PCTP: variants seen among roughly 807,000 people sequenced by gnomAD.
The protein encoded by PCTP is START domain-containing protein 2.
Under a neutral mutation model 31.0 loss-of-function variants are expected in PCTP, and 27 were observed. That is an observed-to-expected ratio of 0.87 (90% confidence interval 0.64 to 1.20). The LOEUF (loss-of-function observed/expected upper bound fraction) is 1.20, where lower values mean the gene tolerates loss of function less well. Among genes scored for constraint, PCTP ranks in the 50% most tolerant of loss-of-function variants. The pLI is 0.00. For missense variants in PCTP, 287 were observed against 268.2 expected (o/e 1.07, Z -0.49); for synonymous variants, 108 against 101.2 (o/e 1.07, Z -0.40).
At chr17:55,787,359 A>G (rs959581015) in intron 2 of PCTP, among the ~76,000 whole-genome samples, 2 of 151,080 alleles carry the variant, frequency 1.3e-5, no homozygotes, top group African/African-American at 4.9e-5. Context: ...ATGAATATAT[A>G]TATATATTTT....
chr17:55,787,941 C>T (rs1911811552), intron 3 of PCTP, among the ~76,000 whole-genome samples: 1 of 152,066 alleles, frequency 6.6e-6, no homozygotes, highest in Admixed American at 6.6e-5. Flanking sequence ...ATAATATGGC[C>T]CTCAGAGTTG....
chr17:55,792,319 AAAAAAG>A (rs1340581242), intron 3 of PCTP, among the ~76,000 whole-genome samples: 1 of 137,400 alleles, frequency 7.3e-6, no homozygotes, highest in Non-Finnish European at 1.5e-5. Flanking sequence ...TAATAAATAA[AAAAAAG>A]AAAAAAAAAA....
Position 55,776,688 on chromosome 17 carries a change from G to T in PCTP, c.*588G>T. On this transcript the variant is annotated 3_prime_UTR_variant, in exon 6 of 6. Transcript: ENST00000268896. Reference sequence around the variant, plus strand: ...GGGATTTGAGGTGATAATCCAGTAAGTCTTTCCTCGTTCCTACTTGTGGAG... The same window carrying T: ...GGGATTTGAGGTGATAATCCAGTAATTCTTTCCTCGTTCCTACTTGTGGAG... 8.2e-7 allele frequency: 1 copy of T among 1,219,672 alleles called. No individual in the cohort carries two copies. The highest frequency in any genetic ancestry group is 1.0e-6 in the Non-Finnish European group (1 of 980,686). The allele number at this position is 1,219,672 out of a possible 1,614,324, so 75.6% of individuals were successfully genotyped here. A position where few individuals can be genotyped will look rare whatever the true frequency, so the allele number is the denominator to read the frequency against.
At chr17:55,789,985 A>G (rs1911897391) in intron 3 of PCTP, among the ~76,000 whole-genome samples, 1 of 152,234 alleles carries the variant, frequency 6.6e-6, no homozygotes, top group Admixed American at 6.5e-5. Flanking sequence ...CCTGGGATGC[A>G]AGCCTGGTTC....
intron 5 of PCTP, among the ~76,000 whole-genome samples, chr17:55,834,904 C>T (rs1201466096): frequency 6.6e-6 from 1 of 152,098 alleles, no homozygotes; most frequent in Non-Finnish European, 1.5e-5. Flanking sequence ...CCCCAGGTAC[C>T]TCAGAATGTG....
intron 5 of PCTP, among the ~76,000 whole-genome samples, chr17:55,837,149 G>A (rs1716367479): frequency 1.3e-5 from 2 of 152,196 alleles, no homozygotes; most frequent in African/African-American, 4.8e-5. Context: ...AGGAAAGTGA[G>A]ATGAGCTCAC....
chr17:55,790,763 C>A (rs1343644529), intron 3 of PCTP, among the ~76,000 whole-genome samples: 2 of 149,178 alleles, frequency 1.3e-5, no homozygotes, highest in Non-Finnish European at 3.0e-5. Flanking sequence ...CCATCCCCAT[C>A]AAGCTACCAA....
intron 5 of PCTP, among the ~76,000 whole-genome samples, chr17:55,828,390 A>G (rs1223494786): frequency 1.3e-5 from 2 of 152,170 alleles, no homozygotes; most frequent in Non-Finnish European, 2.9e-5. Flanking sequence ...TTCTGCCTGC[A>G]CAGACGTTCC....
chr17:55,757,974 C>T (rs1335366684), intron 1 of PCTP, among the ~76,000 whole-genome samples: 1 of 152,166 alleles, frequency 6.6e-6, no homozygotes, highest in African/African-American at 2.4e-5. Flanking sequence ...GTCCCCTGAG[C>T]AGTGCTGAGA....
chr17:55,828,569 C>T (rs538678586), intron 5 of PCTP, among the ~76,000 whole-genome samples: 1 of 152,336 alleles, frequency 6.6e-6, no homozygotes, highest in African/African-American at 2.4e-5. Context: ...ATGACCTCAT[C>T]TTAACTTGAT....
chr17:55,823,108 C>T (rs1905289310), downstream of PCTP: 1 of 217,916 alleles, frequency 4.6e-6, no homozygotes, highest in Non-Finnish European at 9.0e-6. Context: ...AGCTCGCATT[C>T]TAATGAATAA....
At chr17:55,767,765 CTT>C (rs10634278) in intron 2 of PCTP, among the ~76,000 whole-genome samples, 7 of 103,492 alleles carry the variant, frequency 6.8e-5, no homozygotes, top group African/African-American at 1.8e-4. Flanking sequence ...GCACCCAGTG[CTT>C]TTTTTTTTTT....
Position 55,751,225 on chromosome 17 carries a change from T to C in PCTP, c.122T>C (p.Ile41Thr). Residue 41 changes from isoleucine to threonine, a missense_variant, in exon 1 of 6, where the codon ATC (isoleucine) becomes ACC (threonine). Ile to Thr is a moderately conservative substitution (Grantham distance 89). Transcript: ENST00000268896. Reference protein sequence around the residue: ...QLLVETSGISIYRLLDKKTGL... With the variant: ...QLLVETSGISTYRLLDKKTGL... The stretch of plus-strand genomic sequence containing the variant: ...CTAGTGGAGACCTCGGGCATCAGCA[T>C]CTACCGGCTGCTGGACAAGGTAGCG... The C allele has an allele frequency of 1.3e-6, 2 of 1,544,962 alleles. No individual in the cohort carries two copies. Among genetic ancestry groups the C allele is most frequent in the Non-Finnish European group, 8.7e-7 (1 of 1,144,564 alleles).
At chr17:55,832,176 T>C (rs562301755) in intron 5 of PCTP, among the ~76,000 whole-genome samples, 24 of 152,342 alleles carry the variant, frequency 1.6e-4, no homozygotes, top group African/African-American at 5.8e-4. Context: ...AATAGTTCTG[T>C]CACTACGCCG....
At chr17:55,772,348 G>C (rs1911053651) in intron 3 of PCTP, among the ~76,000 whole-genome samples, 1 of 152,136 alleles carries the variant, frequency 6.6e-6, no homozygotes, top group African/African-American at 2.4e-5. Context: ...AACACTTTGG[G>C]AGTCCAAAGT....
intron 1 of PCTP, among the ~76,000 whole-genome samples, chr17:55,754,767 C>T (rs1485669419): frequency 1.3e-5 from 2 of 152,130 alleles, no homozygotes; most frequent in African/African-American, 4.8e-5. Flanking sequence ...GCCTAAAGTG[C>T]ACCAACGTAC....
chr17:55,796,671 G>C (rs1254318063), intron 3 of PCTP, among the ~76,000 whole-genome samples: 1 of 151,934 alleles, frequency 6.6e-6, no homozygotes, highest in Non-Finnish European at 1.5e-5. Context: ...GTTTATATAT[G>C]ATTATGATCT....
intron 3 of PCTP, among the ~76,000 whole-genome samples, chr17:55,793,158 G>A (rs755907608): frequency 2.0e-5 from 3 of 151,372 alleles, no homozygotes; most frequent in Non-Finnish European, 4.4e-5. Context: ...TTAAGAAGAT[G>A]CTGGCCTCTG....
exon 4 of PCTP, chr17:55,822,899 T>C: frequency 4.0e-6 from 4 of 1,008,522 alleles, no homozygotes; most frequent in Non-Finnish European, 5.1e-6. Context: ...AGAAGCTGAG[T>C]CTTTGTTGAA....
Sources: allele counts gnomAD v4.1 joint callset (sites outside exome capture counted in the v4.1 genomes callset), GRCh38; gene constraint gnomAD v4.1.1; transcripts MANE v1.5; gene names NCBI Gene and HGNC (gene_info 2026-07-23, HGNC 2026-07-21).